Variants in C10orf90 observed in about 807,000 individuals in gnomAD.
The protein encoded by C10orf90 is (E2-independent) E3 ubiquitin-conjugating enzyme FATS.
Under a neutral mutation model 62.5 loss-of-function variants are expected in C10orf90, and 56 were observed. The ratio of observed to expected loss-of-function variants is 0.90; its 90% CI spans 0.72 to 1.12. C10orf90 has a LOEUF of 1.12. Ranked by LOEUF, C10orf90 falls within the 50% of genes most tolerant of loss-of-function variation. The pLI, the probability that C10orf90 is intolerant of heterozygous loss-of-function variation, is 0.00. For synonymous variants in C10orf90, 386 were observed against 340.4 expected (o/e 1.13, Z -1.47); for missense variants, 970 against 880.4 (o/e 1.10, Z -1.29).
At chr10:126,638,918 C>T (rs1846006123) in intron 2 of C10orf90, among the ~76,000 whole-genome samples, 1 of 152,206 alleles carries the variant, frequency 6.6e-6, no homozygotes, top group South Asian at 2.1e-4. Flanking sequence ...TGGGCATTTC[C>T]ATCACGCTAG....
intron 1 of C10orf90, among the ~76,000 whole-genome samples, chr10:126,656,348 TA>T (rs1846394726): frequency 6.6e-6 from 1 of 152,174 alleles, no homozygotes; most frequent in Admixed American, 6.6e-5. Flanking sequence ...ATACACAGCT[TA>T]CTCAAGCCTC....
chr10:126,550,155 C>T (rs552819480), intron 2 of C10orf90, among the ~76,000 whole-genome samples: 2 of 151,852 alleles, frequency 1.3e-5, no homozygotes, highest in Non-Finnish European at 2.9e-5. Context: ...AGGGTTTTGC[C>T]ATGTTGGCCA....
At position 126,532,862 on chromosome 10, in the gene C10orf90, G is replaced by GAAAAAAAAAAAAA. The variant is rs1564860259; in HGVS notation, c.314-18924_314-18923insTTTTTTTTTTTTT. Among the ~76,000 whole-genome samples, 45 of 22,138 alleles carry GAAAAAAAAAAAAA rather than the reference G, an allele frequency of 2.0e-3. 12 individuals carry two copies. The highest frequency in any genetic ancestry group is 4.8e-3 in the Non-Finnish European group (38 of 7,968). 14.5% of individuals were successfully genotyped at this position (22,138 alleles called of 152,430 possible). ...CGTCTCAAAAAAAAAAAAAAATAGTGAGCACAAAACAAGTGTTTTCAAAAA... is the reference window on the plus strand; with the variant it reads ...CGTCTCAAAAAAAAAAAAAAATAGTGAAAAAAAAAAAAAAGCACAAAACAAGTGTTTTCAAAAA... On this transcript the variant is annotated intron_variant, in intron 2 of 9. Transcript: ENST00000488181.
At chr10:126,478,090 T>C (rs2133792829) in intron 4 of C10orf90, among the ~76,000 whole-genome samples, 1 of 152,236 alleles carries the variant, frequency 6.6e-6, no homozygotes, top group East Asian at 1.9e-4. Flanking sequence ...ATACAGGCCC[T>C]TGGAATAACC....
chr10:126,489,104 A>G, intron 4 of C10orf90, among the ~76,000 whole-genome samples: 1 of 152,116 alleles, frequency 6.6e-6, no homozygotes, highest in Non-Finnish European at 1.5e-5. Flanking sequence ...TTCCTCACAA[A>G]CATAAATAAA....
At chr10:126,614,475 T>TGTA (rs1845500538) in intron 2 of C10orf90, among the ~76,000 whole-genome samples, 1 of 152,202 alleles carries the variant, frequency 6.6e-6, no homozygotes, top group Admixed American at 6.5e-5. Context: ...TATCACCTTC[T>TGTA]GCTCAATCCT....
At chr10:126,618,494 A>T (rs1424018167) in intron 2 of C10orf90, among the ~76,000 whole-genome samples, 1 of 152,126 alleles carries the variant, frequency 6.6e-6, no homozygotes, top group Non-Finnish European at 1.5e-5. Flanking sequence ...TATTACTTTA[A>T]TTTACACTTG....
chr10:126,622,648 C>T (rs1456950973), intron 2 of C10orf90, among the ~76,000 whole-genome samples: 2 of 152,178 alleles, frequency 1.3e-5, no homozygotes, highest in Admixed American at 1.3e-4. Flanking sequence ...TGAAACTCTT[C>T]CCAATGACTC....
At chr10:126,612,564 G>A (rs1021762451) in intron 2 of C10orf90, among the ~76,000 whole-genome samples, 1 of 152,206 alleles carries the variant, frequency 6.6e-6, no homozygotes, top group African/African-American at 2.4e-5. Flanking sequence ...GCCATCTGAA[G>A]AGGTTTGGAA....
At chr10:126,661,639 C>T (rs941685970) in intron 1 of C10orf90, among the ~76,000 whole-genome samples, 1 of 151,774 alleles carries the variant, frequency 6.6e-6, no homozygotes, top group Non-Finnish European at 1.5e-5. Flanking sequence ...GCTGTCTCTC[C>T]CTCTCTGAAT....
chr10:126,456,193 G>A lies in C10orf90; in HGVS notation c.2188+2847C>T, dbSNP rs916502856. On this transcript the variant is annotated intron_variant, in intron 7 of 9. Coordinates refer to ENST00000488181, the MANE Select transcript of C10orf90 (RefSeq NM_001350921.2). The surrounding 1 kb of genome is among the most constrained non-coding windows in gnomAD (Gnocchi z 4.9). ...GGCTGAAGACAAGATGTGTACTGCA[G>A]ACTTGTTTAATAGGGCCTTAAACAT... Among the ~76,000 whole-genome samples, 1 of 152,244 alleles carries A rather than the reference G, an allele frequency of 6.6e-6. No individual in the cohort carries two copies. Among genetic ancestry groups the A allele is most frequent in the African/African-American group, 2.4e-5 (1 of 41,456 alleles).
At chr10:126,498,479 C>T (rs1862199462) in intron 4 of C10orf90, among the ~76,000 whole-genome samples, 2 of 152,202 alleles carry the variant, frequency 1.3e-5, no homozygotes, top group East Asian at 3.9e-4. Flanking sequence ...ACCACCACCC[C>T]CTGCCCCAGG....
rs115897986 is a variant in C10orf90 at position 126,612,517 on chromosome 10, C to T, written c.313+34048G>A. On this transcript the variant is annotated intron_variant, in intron 2 of 9. Transcript: ENST00000488181. ...AGTGGCTTTGTCTCCAGACCCCCTC[C>T]GCTGAGGTACCCCATCACCCATGGC... Among the ~76,000 whole-genome samples the T allele has an allele frequency of 9.6e-3, 1,458 of 152,296 alleles. 23 individuals carry two copies. Among genetic ancestry groups the T allele is most frequent in the African/African-American group, 0.032 (1,319 of 41,554 alleles).
intron 2 of C10orf90, among the ~76,000 whole-genome samples, chr10:126,534,643 G>C (rs1864186403): frequency 6.6e-6 from 1 of 152,170 alleles, no homozygotes; most frequent in African/African-American, 2.4e-5. Context: ...TCCAAAGGAA[G>C]AGAAGATGAT....
intron 2 of C10orf90, among the ~76,000 whole-genome samples, chr10:126,643,350 G>T (rs1005257578): frequency 6.6e-5 from 10 of 152,168 alleles, no homozygotes; most frequent in African/African-American, 2.4e-4. Context: ...ATGAAGAGGG[G>T]TTTAAAACAT....
chr10:126,611,830 C>T (rs1418307899), intron 2 of C10orf90, among the ~76,000 whole-genome samples: 10 of 152,178 alleles, frequency 6.6e-5, no homozygotes, highest in Non-Finnish European at 1.3e-4. Context: ...CAAGGGTACA[C>T]AGTAGTTGGG....
chr10:126,540,677 A>C (rs1864354623), intron 2 of C10orf90, among the ~76,000 whole-genome samples: 1 of 152,128 alleles, frequency 6.6e-6, no homozygotes, highest in Admixed American at 6.5e-5. Context: ...AAAAAAAAAA[A>C]AAAAAAAGAA....
chr10:126,556,435 A>C (rs1382901370), intron 2 of C10orf90, among the ~76,000 whole-genome samples: 1 of 152,212 alleles, frequency 6.6e-6, no homozygotes, highest in Non-Finnish European at 1.5e-5. Flanking sequence ...CTGCAAACTC[A>C]TGAAGTGATC....
intron 2 of C10orf90, among the ~76,000 whole-genome samples, chr10:126,556,584 G>T (rs1864778634): frequency 6.6e-6 from 1 of 152,068 alleles, no homozygotes; most frequent in African/African-American, 2.4e-5. Flanking sequence ...CCAGCCTGTG[G>T]AACTCCAGCA....
Sources: gnomAD v4.1 joint callset for allele counts (sites outside exome capture counted in the v4.1 genomes callset) on GRCh38, gnomAD v4.1.1 for gene constraint, Gnocchi (gnomAD v3.1) non-coding constraint, MANE v1.5 for transcripts, NCBI Gene and HGNC (gene_info 2026-07-23, HGNC 2026-07-21) for gene names.